CFTR: variants seen among roughly 807,000 people sequenced by gnomAD.
CFTR encodes the protein CF transmembrane conductance regulator.
In CFTR, 181 loss-of-function variants were observed where a neutral mutation model predicts 171.6. The ratio of observed to expected loss-of-function variants is 1.05; its 90% CI spans 0.93 to 1.19. The LOEUF (loss-of-function observed/expected upper bound fraction) is 1.19, where lower values mean the gene tolerates loss of function less well. CFTR is among the 50% of genes most tolerant of loss of function. The pLI is 0.00. For synonymous variants in CFTR, 583 were observed against 608.0 expected (o/e 0.96, Z 0.60); for missense variants, 1,968 against 1,734.7 (o/e 1.13, Z -2.39).
At chr7:117,553,822 G>T (rs1799309265) in intron 10 of CFTR, among the ~76,000 whole-genome samples, 1 of 152,096 alleles carries the variant, frequency 6.6e-6, no homozygotes, top group South Asian at 2.1e-4. Context: ...ACATTGAAAG[G>T]TAACATTTGA....
intron 22 of CFTR, among the ~76,000 whole-genome samples, chr7:117,637,216 A>G (rs1792839447): frequency 7.9e-6 from 1 of 127,388 alleles, no homozygotes; most frequent in South Asian, 2.4e-4. Flanking sequence ...TGTGTTTTCA[A>G]ATGGTGTTTT....
intron 23 of CFTR, among the ~76,000 whole-genome samples, chr7:117,651,390 A>T (rs1245611388): frequency 1.3e-5 from 2 of 152,162 alleles, no homozygotes; most frequent in Non-Finnish European, 2.9e-5. Context: ...TAATGAACTG[A>T]CTCAAGTTCT....
intron 23 of CFTR, among the ~76,000 whole-genome samples, chr7:117,649,501 A>G (rs1012860069): frequency 1.1e-4 from 16 of 140,786 alleles, no homozygotes; most frequent in South Asian, 6.7e-4. Context: ...GTGTGTGTAT[A>G]TATATATATA....
rs1325969557 is a variant in CFTR at position 117,509,061 on chromosome 7, G to A, written c.192G>A (p.Lys64=). 10 of 1,612,510 alleles carry A rather than the reference G, an allele frequency of 6.2e-6. No homozygotes were observed. Among genetic ancestry groups the A allele is most frequent in the African/African-American group, 4.0e-5 (3 of 74,902 alleles). Residue 64 remains lysine (K), a synonymous_variant, in exon 3 of 27, where the codon AAG becomes AAA. Transcript: ENST00000003084. ...EREWDRELAS[K]KNPKLINALR... The stretch of plus-strand genomic sequence containing the variant: ...AATGGGATAGAGAGCTGGCTTCAAA[G>A]AAAAATCCTAAACTCATTAATGCCC...
intron 1 of CFTR, among the ~76,000 whole-genome samples, chr7:117,481,751 TC>T (rs1253071202): frequency 6.6e-6 from 1 of 152,232 alleles, no homozygotes; most frequent in African/African-American, 2.4e-5. Context: ...ATTACAAACT[TC>T]CTTCTGGCCT....
chr7:117,584,472 A>G (rs1791899257), intron 11 of CFTR, among the ~76,000 whole-genome samples: 1 of 152,138 alleles, frequency 6.6e-6, no homozygotes, highest in Non-Finnish European at 1.5e-5. Context: ...GTCAAAGATC[A>G]GTTGACTTTA....
chr7:117,515,753 T>C (rs1798587023), intron 3 of CFTR, among the ~76,000 whole-genome samples: 1 of 152,220 alleles, frequency 6.6e-6, no homozygotes, highest in Admixed American at 6.5e-5. Context: ...AGTATAGCCA[T>C]GTTCACAATA....
chr7:117,637,003 G>A (rs1158075334), intron 22 of CFTR, among the ~76,000 whole-genome samples: 1 of 151,886 alleles, frequency 6.6e-6, no homozygotes, highest in Non-Finnish European at 1.5e-5. Context: ...TTTTAGTAGA[G>A]ATGGGGTTTT....
At chr7:117,573,302 T>C (rs1228968966) in intron 11 of CFTR, among the ~76,000 whole-genome samples, 2 of 152,196 alleles carry the variant, frequency 1.3e-5, no homozygotes, top group Admixed American at 1.3e-4. Flanking sequence ...TAATCTTTAT[T>C]GCACACTTAT....
intron 11 of CFTR, among the ~76,000 whole-genome samples, chr7:117,560,558 G>A (rs1033276010): frequency 9.9e-5 from 15 of 152,100 alleles, no homozygotes; most frequent in East Asian, 1.9e-4. Context: ...AGGGCAAACC[G>A]TGGATTAGAT....
chr7:117,614,351 A>G (rs141644673), intron 20 of CFTR, among the ~76,000 whole-genome samples: 4 of 152,140 alleles, frequency 2.6e-5, no homozygotes, highest in Admixed American at 6.6e-5. Context: ...CTCCAATACC[A>G]GTAACATTTT....
At chr7:117,611,496 T>G (rs776334624) in intron 19 of CFTR, 85 bp from the exon 20 acceptor site, 38 of 841,190 alleles carry the variant, frequency 4.5e-5, no homozygotes, top group Non-Finnish European at 7.2e-5. Flanking sequence ...TTATTCTAAT[T>G]TAGTCTTTTT....
intron 22 of CFTR, among the ~76,000 whole-genome samples, chr7:117,637,565 A>G (rs1792846330): frequency 6.6e-6 from 1 of 152,096 alleles, no homozygotes; most frequent in Non-Finnish European, 1.5e-5. Flanking sequence ...TTTTGAGGGC[A>G]GGCATTGTTA....
intron 25 of CFTR, among the ~76,000 whole-genome samples, chr7:117,665,147 C>G (rs191697838): frequency 1.3e-5 from 2 of 152,262 alleles, no homozygotes; most frequent in East Asian, 3.9e-4. Context: ...TATGATTTGC[C>G]TTTGTATCCC....
chr7:117,491,967 T>A (rs1182718447), intron 1 of CFTR, among the ~76,000 whole-genome samples: 3 of 152,030 alleles, frequency 2.0e-5, no homozygotes, highest in African/African-American at 4.8e-5. Context: ...ATATACCTCA[T>A]GTATAGTGGT....
intron 3 of CFTR, among the ~76,000 whole-genome samples, chr7:117,526,275 C>T (rs1036242403): frequency 4.1e-5 from 6 of 145,568 alleles, no homozygotes; most frequent in African/African-American, 1.0e-4. Flanking sequence ...GGGTACATAA[C>T]GAAATGAAGA....
chr7:117,665,503 A>G lies in CFTR; in HGVS notation c.4181A>G (p.Asp1394Gly), dbSNP rs1328328881. 5 of 1,613,234 alleles carry G rather than the reference A, an allele frequency of 3.1e-6. No homozygotes were observed. The African/African-American group carries it at 6.7e-5, about 22-fold the overall frequency. The change falls in exon 26 of 27, where the codon GAT becomes GGT. Residue 1394 changes from aspartate to glycine, a missense_variant. Transcript: ENST00000003084. ...IRRTLKQAFA[D>G]CTVILCEHRI... is the part of the protein sequence containing the mutation. ...AGAACTCTAAAACAAGCATTTGCTG[A>G]TTGCACAGTAATTCTCTGTGAACAC...
chr7:117,535,969 G>A (rs1022374067), intron 6 of CFTR, among the ~76,000 whole-genome samples: 19 of 152,160 alleles, frequency 1.2e-4, no homozygotes, highest in African/African-American at 3.9e-4. Flanking sequence ...AGGTAAAAAA[G>A]GATAAAACAT....
intron 1 of CFTR, among the ~76,000 whole-genome samples, chr7:117,494,978 T>C (rs1798215631): frequency 6.6e-6 from 1 of 152,170 alleles, no homozygotes; most frequent in Non-Finnish European, 1.5e-5. Context: ...CAAGTTTCTT[T>C]CTTTAAGCTT....
Sources: allele counts gnomAD v4.1 joint callset (sites outside exome capture counted in the v4.1 genomes callset), GRCh38; gene constraint gnomAD v4.1.1; transcripts MANE v1.5; gene names NCBI Gene and HGNC (gene_info 2026-07-23, HGNC 2026-07-21).